Variants in MYO18B observed in about 807,000 individuals in gnomAD.
The protein encoded by MYO18B is myosin XVIIIB, also known as unconventional myosin-XVIIIb.
A neutral mutation model predicts 273.0 loss-of-function variants in MYO18B; 204 were observed. The observed-to-expected ratio is 0.75, with a 90% CI of 0.67 to 0.84. The LOEUF (loss-of-function observed/expected upper bound fraction) is 0.84, where lower values mean the gene tolerates loss of function less well. MYO18B is among the 40% of genes least tolerant of loss of function. The probability of loss-of-function intolerance (pLI) is 0.00; values close to 1 mark genes in which losing one functional copy is unlikely to be tolerated. For missense variants in MYO18B, 3,212 were observed against 3,287.6 expected (o/e 0.98, Z 0.56); for synonymous variants, 1,330 against 1,305.7 (o/e 1.02, Z -0.40).
At chr22:25,986,064 A>T (rs1029448382) in intron 39 of MYO18B, among the ~76,000 whole-genome samples, 3 of 152,142 alleles carry the variant, frequency 2.0e-5, no homozygotes, top group Admixed American at 6.6e-5. Context: ...AGATTCCCTC[A>T]CCTGGCATCA....
intron 38 of MYO18B, among the ~76,000 whole-genome samples, chr22:25,952,729 A>G (rs561802383): frequency 6.6e-6 from 1 of 151,450 alleles, no homozygotes; most frequent in African/African-American, 2.4e-5. Context: ...CTCTTCCTCT[A>G]TTATTTTTTC....
At chr22:26,002,355 T>C (rs933625364) in intron 40 of MYO18B, among the ~76,000 whole-genome samples, 3 of 152,184 alleles carry the variant, frequency 2.0e-5, no homozygotes, top group Non-Finnish European at 2.9e-5. Context: ...TGACTGAGCT[T>C]TGGGGCTGAA....
chr22:26,039,603 G>GT, the MYO18B span, among the ~76,000 whole-genome samples: 10 of 141,488 alleles, frequency 7.1e-5, no homozygotes, highest in Non-Finnish European at 1.1e-4. Flanking sequence ...CTGTTTTTAG[G>GT]TTTTTTTGTT....
At position 25,768,402 on chromosome 22, in the gene MYO18B, G is replaced by A. The variant is rs748269370; in HGVS notation, c.486G>A (p.Pro162=). The A allele has an allele frequency of 8.7e-6, 14 of 1,613,604 alleles. No individual in the cohort carries two copies. Among genetic ancestry groups the A allele is most frequent in the East Asian group, 6.7e-5 (3 of 44,874 alleles). Residue 162 remains proline (P), a synonymous_variant, in exon 4 of 44, where the codon CCG becomes CCA. Transcript: ENST00000335473. ...TGTTGATGGTGGCCAAGCTGGACCC[G>A]GACTCAGCCAAGCCAGAGAAGACTC... ...DVLLMVAKLD[P]DSAKPEKTHP...
chr22:25,748,016 C>G (rs1303477062), intron 1 of MYO18B, among the ~76,000 whole-genome samples: 1 of 152,142 alleles, frequency 6.6e-6, no homozygotes, highest in Non-Finnish European at 1.5e-5. Context: ...CCTCATCAAC[C>G]CTTTGCAGAG....
chr22:25,829,679 A>T (rs1226332608), intron 15 of MYO18B, among the ~76,000 whole-genome samples: 1 of 151,972 alleles, frequency 6.6e-6, no homozygotes. Flanking sequence ...CTCTACTAAA[A>T]ATACAAAAAT....
At chr22:25,941,741 G>A (rs561585125) in intron 34 of MYO18B, among the ~76,000 whole-genome samples, 8 of 152,258 alleles carry the variant, frequency 5.3e-5, no homozygotes, top group African/African-American at 1.7e-4. Flanking sequence ...GGCCTGCCCC[G>A]TGGAGGTCTT....
intron 2 of MYO18B, 171 bp from the exon 3 acceptor site, chr22:25,763,060 C>A (rs2146601509): frequency 6.4e-6 from 5 of 787,020 alleles, no homozygotes; most frequent in Non-Finnish European, 1.2e-5. Flanking sequence ...GTCTCAGGGA[C>A]CCCCCTGAGT....
At chr22:25,783,008 T>A (rs1159949042) in intron 10 of MYO18B, among the ~76,000 whole-genome samples, 3 of 152,232 alleles carry the variant, frequency 2.0e-5, no homozygotes, top group Non-Finnish European at 4.4e-5. Context: ...TCTCTGAGCC[T>A]GACTTTCCTT....
intron 43 of MYO18B, chr22:26,028,555 C>T (rs1046029328): frequency 1.3e-5 from 2 of 152,120 alleles, no homozygotes; most frequent in Non-Finnish European, 2.9e-5. Context: ...TGCCCTTCCT[C>T]CCTCTCCTAG....
intron 26 of MYO18B, 129 bp downstream of exon 26, chr22:25,891,004 C>G (rs1274980450): frequency 7.4e-6 from 10 of 1,358,096 alleles, no homozygotes; most frequent in Non-Finnish European, 9.9e-6. Context: ...CTGCTGGGCT[C>G]AAGGTCCTGG....
intron 15 of MYO18B, among the ~76,000 whole-genome samples, chr22:25,829,522 TAA>T (rs55957728): frequency 2.2e-5 from 3 of 139,380 alleles, no homozygotes; most frequent in Non-Finnish European, 3.1e-5. Flanking sequence ...TCTTTTTTCA[TAA>T]AAAAAAAAAA....
chr22:25,828,017 G>C (rs564719879), intron 14 of MYO18B, among the ~76,000 whole-genome samples: 6 of 152,286 alleles, frequency 3.9e-5, no homozygotes, highest in African/African-American at 1.4e-4. Flanking sequence ...AAGAACCAAG[G>C]TTCAACTAAG....
At chr22:25,986,540 T>G (rs554492236) in intron 39 of MYO18B, among the ~76,000 whole-genome samples, 40 of 152,362 alleles carry the variant, frequency 2.6e-4, no homozygotes, top group South Asian at 2.1e-3. Context: ...TTTGAACATT[T>G]AGCAGACTGC....
intron 14 of MYO18B, 83 bp downstream of exon 14, chr22:25,826,582 G>A: frequency 7.9e-7 from 1 of 1,273,434 alleles, no homozygotes; most frequent in Non-Finnish European, 1.1e-6. Flanking sequence ...TGAACAAAGT[G>A]GCAGTTTTTG....
intron 8 of MYO18B, among the ~76,000 whole-genome samples, chr22:25,779,017 C>A (rs2087029357): frequency 6.6e-6 from 1 of 151,948 alleles, no homozygotes; most frequent in Non-Finnish European, 1.5e-5. Flanking sequence ...CTCTGAAAAG[C>A]CTTTTAAGAC....
chr22:25,795,065 A>G (rs993690315), intron 11 of MYO18B, among the ~76,000 whole-genome samples: 1 of 152,102 alleles, frequency 6.6e-6, no homozygotes, highest in African/African-American at 2.4e-5. Context: ...TGAGATGCCT[A>G]TATGTGGCTG....
intron 12 of MYO18B, among the ~76,000 whole-genome samples, chr22:25,815,701 C>A (rs1028344663): frequency 3.9e-5 from 6 of 152,202 alleles, no homozygotes; most frequent in African/African-American, 1.4e-4. Context: ...AGACACCCCA[C>A]CCCCTCAACA....
At chr22:25,856,713 T>G (rs777038038) in intron 21 of MYO18B, among the ~76,000 whole-genome samples, 8 of 152,136 alleles carry the variant, frequency 5.3e-5, no homozygotes, top group Non-Finnish European at 1.0e-4. Flanking sequence ...GCATAGATAG[T>G]TTCGTGGTGC....
Sources: allele counts gnomAD v4.1 joint callset (sites outside exome capture counted in the v4.1 genomes callset), GRCh38; gene constraint gnomAD v4.1.1; transcripts MANE v1.5; gene names NCBI Gene and HGNC (gene_info 2026-07-23, HGNC 2026-07-21).